CASP10: variants seen among roughly 807,000 people sequenced by gnomAD.
CASP10 encodes caspase 10.
Under a neutral mutation model 48.5 loss-of-function variants are expected in CASP10, and 41 were observed. The observed-to-expected ratio is 0.85, with a 90% CI of 0.66 to 1.10. The LOEUF is 1.10. CASP10 is among the 50% of genes least tolerant of loss of function. The pLI is 0.00. For missense variants in CASP10, 614 were observed against 614.5 expected (o/e 1.00, Z 0.01); for synonymous variants, 232 against 238.4 (o/e 0.97, Z 0.25).
rs1945644404 is a variant in CASP10 at position 201,218,595 on chromosome 2, C to A, written c.*854C>A. On this transcript the variant is annotated 3_prime_UTR_variant, in exon 10 of 10. Transcript: ENST00000286186. Reference sequence around the variant, plus strand: ...GGGACTACAGGCATGAAATACTGTGCCTGGCCTGGGGACCAGGTGCATTTT... The same window carrying A: ...GGGACTACAGGCATGAAATACTGTGACTGGCCTGGGGACCAGGTGCATTTT... 3.0e-6 allele frequency: 3 copies of A among 985,358 alleles called. No homozygotes were observed. Among genetic ancestry groups the A allele is most frequent in the Middle Eastern group, 1.0e-3 (2 of 1,916 alleles). 61.0% of individuals were successfully genotyped at this position (985,358 alleles called of 1,614,324 possible).
At chr2:201,200,972 C>T (rs190044337) in intron 5 of CASP10, among the ~76,000 whole-genome samples, 1 of 152,144 alleles carries the variant, frequency 6.6e-6, no homozygotes, top group African/African-American at 2.4e-5. Flanking sequence ...TGGGCCAACT[C>T]CCTGGCCATG....
At chr2:201,198,041 G>A (rs970095481) in intron 5 of CASP10, among the ~76,000 whole-genome samples, 3 of 151,964 alleles carry the variant, frequency 2.0e-5, no homozygotes, top group Non-Finnish European at 4.4e-5. Context: ...TTTGATAGTA[G>A]GCATCCTAAT....
intron 8 of CASP10, 45 bp from the exon 9 acceptor site, chr2:201,209,025 T>TTCTC (rs759629646): frequency 3.3e-6 from 5 of 1,519,490 alleles, no homozygotes; most frequent in African/African-American, 1.4e-5. Context: ...TATTTCCCCT[T>TTCTC]TCTCTCTCTC....
At chr2:201,197,412 C>G (rs1177593427) in intron 5 of CASP10, among the ~76,000 whole-genome samples, 1 of 152,074 alleles carries the variant, frequency 6.6e-6, no homozygotes. Flanking sequence ...GCCAGGAGTT[C>G]GAGACCAGCC....
intron 4 of CASP10, among the ~76,000 whole-genome samples, chr2:201,193,707 A>G (rs1171686198): frequency 6.6e-6 from 1 of 152,222 alleles, no homozygotes. Context: ...GTAGTTTTAG[A>G]CAAACGTCTT....
At chr2:201,203,855 T>C in intron 6 of CASP10, 89 bp downstream of exon 6, 1 of 1,031,692 alleles carries the variant, frequency 9.7e-7, no homozygotes, top group South Asian at 1.3e-5. Context: ...CAAGGTGACT[T>C]GGAAGAGAAG....
chr2:201,214,095 G>A (rs1445010260), intron 9 of CASP10: 2 of 152,254 alleles, frequency 1.3e-5, no homozygotes, highest in East Asian at 1.9e-4. Context: ...TGTTGGATCA[G>A]GAGATTGGTA....
downstream of CASP10, among the ~76,000 whole-genome samples, chr2:201,225,736 C>T (rs1394639385): frequency 6.6e-6 from 1 of 152,144 alleles, no homozygotes; most frequent in East Asian, 1.9e-4. Context: ...CTTTGGGAGG[C>T]CGAGGCAGGC....
At chr2:201,189,932 CAA>C (rs1314094568) in intron 3 of CASP10, among the ~76,000 whole-genome samples, 2 of 152,098 alleles carry the variant, frequency 1.3e-5, no homozygotes, top group Admixed American at 1.3e-4. Context: ...CCAGAGAAGT[CAA>C]GGCTGCAGTG....
intron 9 of CASP10, among the ~76,000 whole-genome samples, chr2:201,216,163 A>T (rs923049536): frequency 1.3e-5 from 2 of 149,644 alleles, no homozygotes; most frequent in African/African-American, 4.9e-5. Context: ...TAATAATTTT[A>T]TTATTCAATT....
chr2:201,222,128 G>A (rs1945732846), downstream of CASP10, among the ~76,000 whole-genome samples: 1 of 152,100 alleles, frequency 6.6e-6, no homozygotes, highest in Admixed American at 6.5e-5. Context: ...GGTAGATTGA[G>A]TGAGGTTCAT....
intron 3 of CASP10, among the ~76,000 whole-genome samples, chr2:201,188,659 C>T (rs1029031611): frequency 1.3e-5 from 2 of 152,134 alleles, no homozygotes; most frequent in Non-Finnish European, 2.9e-5. Flanking sequence ...TTGGCATGTT[C>T]CTCTGTCCTC....
chr2:201,228,555 A>T (rs1367215532), intron 9 of CASP10, among the ~76,000 whole-genome samples: 2 of 152,184 alleles, frequency 1.3e-5, no homozygotes, highest in Non-Finnish European at 2.9e-5. Context: ...GCTGCTAAAA[A>T]TGTTGCTGAG....
intron 1 of CASP10, among the ~76,000 whole-genome samples, chr2:201,185,205 G>T (rs1057468747): frequency 1.3e-5 from 2 of 152,116 alleles, no homozygotes; most frequent in African/African-American, 4.8e-5. Context: ...TGTTGCTCAG[G>T]CTTGAGGTCT....
At chr2:201,206,210 G>C (rs1945199642) in intron 7 of CASP10, 2 of 410,552 alleles carry the variant, frequency 4.9e-6, no homozygotes, top group South Asian at 4.9e-5. Context: ...AGGAAATGCT[G>C]TTACACTTTG....
At chr2:201,200,764 C>G in intron 5 of CASP10, 1 of 1,191,100 alleles carries the variant, frequency 8.4e-7, no homozygotes, top group Non-Finnish European at 1.0e-6. Context: ...TTTGAATTCC[C>G]CATCTCCCCC....
chr2:201,202,606 A>G (rs908090929), intron 5 of CASP10, among the ~76,000 whole-genome samples: 6 of 152,200 alleles, frequency 3.9e-5, no homozygotes, highest in African/African-American at 7.2e-5. Context: ...CTCTTAGAAG[A>G]AATCTAGGAT....
chr2:201,209,041 CTTTT>C (rs377760707), intron 8 of CASP10, 25 bp from the exon 9 acceptor site: 189 of 1,318,898 alleles, frequency 1.4e-4, no homozygotes, highest in Middle Eastern at 4.7e-4. Flanking sequence ...CTCTCTCTCT[CTTTT>C]TTTTTTTTTT....
intron 9 of CASP10, among the ~76,000 whole-genome samples, chr2:201,211,028 A>G (rs866423379): frequency 6.6e-6 from 1 of 152,158 alleles, no homozygotes; most frequent in African/African-American, 2.4e-5. Context: ...GTGTTGTATA[A>G]TGATCAAATC....
Sources: gnomAD v4.1 joint callset for allele counts (sites outside exome capture counted in the v4.1 genomes callset) on GRCh38, gnomAD v4.1.1 for gene constraint, MANE v1.5 for transcripts, NCBI Gene and HGNC (gene_info 2026-07-23, HGNC 2026-07-21) for gene names.